Variants in BACH2 observed in about 807,000 individuals in gnomAD.
The protein encoded by BACH2 is BACH transcriptional regulator 2, also known as transcription regulator protein BACH2.
BACH2 carries 5 observed loss-of-function variants against 61.8 expected under a neutral mutation model. That is an observed-to-expected ratio of 0.08 (90% CI 0.04 to 0.17). BACH2 has a LOEUF of 0.17. BACH2 is among the 10% of genes least tolerant of loss of function. BACH2 has a pLI of 1.00. For missense variants in BACH2, 824 were observed against 1,091.1 expected, an observed-to-expected ratio of 0.76 and a Z score of 3.45; for synonymous variants, 446 against 440.1, an observed-to-expected ratio of 1.01 and a Z score of -0.17.
At chr6:90,132,393 C>T (rs1226786320) in intron 4 of BACH2, among the ~76,000 whole-genome samples, 1 of 152,186 alleles carries the variant, frequency 6.6e-6, no homozygotes, top group African/African-American at 2.4e-5. Flanking sequence ...CCAGCCACCC[C>T]TCCCACCTTC....
intron 5 of BACH2, among the ~76,000 whole-genome samples, chr6:90,074,330 T>C (rs1781376769): frequency 6.6e-6 from 1 of 152,204 alleles, no homozygotes; most frequent in Non-Finnish European, 1.5e-5. Context: ...CTTTATAGGA[T>C]CTCTGGTGGT....
intron 5 of BACH2, among the ~76,000 whole-genome samples, chr6:90,073,844 G>T (rs1424379576): frequency 6.6e-6 from 1 of 152,156 alleles, no homozygotes; most frequent in Non-Finnish European, 1.5e-5. Context: ...AGTATTTAGA[G>T]AATTATTATC....
intron 7 of BACH2, among the ~76,000 whole-genome samples, chr6:89,944,294 G>A (rs1292748277): frequency 1.3e-5 from 2 of 152,136 alleles, no homozygotes; most frequent in Non-Finnish European, 2.9e-5. Context: ...GAAAGTGCCT[G>A]GGAAAGTTTC....
chr6:90,182,709 T>G (rs1414805658), intron 4 of BACH2, among the ~76,000 whole-genome samples: 1 of 152,206 alleles, frequency 6.6e-6, no homozygotes, highest in Non-Finnish European at 1.5e-5. Flanking sequence ...CAAATGAACA[T>G]GCAATCTTCC....
chr6:90,263,311 C>T (rs1228518097), intron 2 of BACH2, among the ~76,000 whole-genome samples: 2 of 149,706 alleles, frequency 1.3e-5, no homozygotes, highest in South Asian at 2.1e-4. Context: ...CATGATGATG[C>T]CTGATGTGCT....
intron 4 of BACH2, among the ~76,000 whole-genome samples, chr6:90,129,153 G>A (rs1183343927): frequency 6.6e-6 from 1 of 151,960 alleles, no homozygotes; most frequent in Admixed American, 6.6e-5. Context: ...CACCAATATG[G>A]CACATGTATA....
intron 4 of BACH2, among the ~76,000 whole-genome samples, chr6:90,192,197 G>A (rs1490756645): frequency 1.3e-5 from 2 of 152,060 alleles, no homozygotes; most frequent in South Asian, 2.1e-4. Context: ...TTTTCAGACT[G>A]CAACTACTTA....
intron 7 of BACH2, among the ~76,000 whole-genome samples, chr6:89,942,819 G>A (rs946093122): frequency 6.6e-6 from 1 of 152,190 alleles, no homozygotes; most frequent in Non-Finnish European, 1.5e-5. Context: ...GGCACAATAA[G>A]CTGCTGTTGA....
intron 7 of BACH2, among the ~76,000 whole-genome samples, chr6:89,941,476 T>C (rs2128354591): frequency 6.6e-6 from 1 of 152,366 alleles, no homozygotes; most frequent in East Asian, 1.9e-4. Flanking sequence ...ACTGTCGGCT[T>C]GGCCCTGCTC....
At chr6:89,948,887 A>G (rs1773905832) in intron 7 of BACH2, among the ~76,000 whole-genome samples, 2 of 152,160 alleles carry the variant, frequency 1.3e-5, no homozygotes, top group Non-Finnish European at 2.9e-5. Flanking sequence ...TTTATTTTAA[A>G]TTAAATCCTT....
intron 3 of BACH2, among the ~76,000 whole-genome samples, chr6:90,210,703 C>T (rs1455685416): frequency 6.6e-6 from 1 of 152,022 alleles, no homozygotes; most frequent in South Asian, 2.1e-4. Flanking sequence ...TCCTCTAGTA[C>T]TGAACAAAAG....
intron 4 of BACH2, among the ~76,000 whole-genome samples, chr6:90,093,283 C>T (rs1271923145): frequency 6.6e-6 from 1 of 152,152 alleles, no homozygotes; most frequent in African/African-American, 2.4e-5. Context: ...AACCACCTTG[C>T]TTGGCTAAGT....
intron 6 of BACH2, among the ~76,000 whole-genome samples, chr6:89,960,405 G>A (rs1468609009): frequency 3.9e-5 from 6 of 152,188 alleles, no homozygotes; most frequent in Admixed American, 1.3e-4. Context: ...ACCTGTTGCT[G>A]TTTCTCTGAA....
chr6:90,044,348 T>C (rs1157246960), intron 5 of BACH2, among the ~76,000 whole-genome samples: 1 of 152,152 alleles, frequency 6.6e-6, no homozygotes, highest in Non-Finnish European at 1.5e-5. Context: ...GCTGGTTCAA[T>C]GGCCCTACAG....
At chr6:90,178,696 C>T (rs1218306489) in intron 4 of BACH2, among the ~76,000 whole-genome samples, 1 of 152,116 alleles carries the variant, frequency 6.6e-6, no homozygotes. Context: ...AAAAAAGTAC[C>T]CAGAAATGCC....
Position 89,931,645 on chromosome 6 carries a change from A to T in BACH2, c.*763T>A, listed in dbSNP as rs948575878. The T allele has an allele frequency of 7.2e-5, 11 of 152,654 alleles. No homozygotes were observed. The highest frequency in any genetic ancestry group is 2.6e-4 in the Admixed American group (4 of 15,268). 9.5% of individuals were successfully genotyped at this position (152,654 alleles called of 1,614,324 possible). A position where few individuals can be genotyped will look rare whatever the true frequency, so the allele number is the denominator to read the frequency against. ...AACCCCCCAAACAAACAAAAAACAA[A>T]CCTACAATGCTCAAATGACACCACT... is the stretch of plus-strand genomic sequence containing the variant. On this transcript the variant is annotated 3_prime_UTR_variant, in exon 9 of 9. Transcript: ENST00000257749.
intron 5 of BACH2, among the ~76,000 whole-genome samples, chr6:90,079,915 A>ATT (rs557285186): frequency 3.5e-5 from 5 of 141,344 alleles, no homozygotes; most frequent in South Asian, 2.2e-4. Context: ...TTGTACTTTC[A>ATT]TTTTTTTTTT....
chr6:90,093,413 C>T (rs1241718441), intron 4 of BACH2, among the ~76,000 whole-genome samples: 2 of 152,152 alleles, frequency 1.3e-5, no homozygotes, highest in African/African-American at 4.8e-5. Flanking sequence ...TAATGCTATT[C>T]TACTAACACT....
At position 90,065,650 on chromosome 6, in the gene BACH2, C is replaced by A. The variant is rs185920685; in HGVS notation, c.-13+23311G>T. Among the ~76,000 whole-genome samples, 497 of 152,224 alleles carry A rather than the reference C, an allele frequency of 3.3e-3. 1 individual carries two copies. The highest frequency in any genetic ancestry group is 6.1e-3 in the Non-Finnish European group (413 of 68,012). ...ATTATTCAGCCCCAGTCGAGCCAGT[C>A]CAAACTAGAAGAACTGCCCAGCCAA... On this transcript the variant is annotated intron_variant, in intron 5 of 8. Transcript: ENST00000257749.
Sources: gnomAD v4.1 joint callset for allele counts (sites outside exome capture counted in the v4.1 genomes callset) on GRCh38, gnomAD v4.1.1 for gene constraint, MANE v1.5 for transcripts, NCBI Gene and HGNC (gene_info 2026-07-23, HGNC 2026-07-21) for gene names.